Variants in SNTG2 observed in about 807,000 individuals in gnomAD.
SNTG2 encodes the protein gamma-2-syntrophin.
SNTG2 carries 74 observed loss-of-function variants against 70.9 expected under a neutral mutation model. The observed-to-expected ratio is 1.04, with a 90% CI of 0.86 to 1.27. The LOEUF is 1.27. SNTG2 is among the 50% of genes most tolerant of loss of function. SNTG2 has a pLI of 0.00. For missense variants in SNTG2, 717 were observed against 690.7 expected (o/e 1.04, Z -0.43); for synonymous variants, 278 against 273.8 (o/e 1.02, Z -0.15).
rs150383929 is a variant in SNTG2, at chr2:1,203,690, A to ATATATGTG, written c.592-5412_592-5411insATATGTGT. ...AAAAAAAAAATATATATATATATAT[A>ATATATGTG]TGTGTGTGTGTGTGTGTGTGTGTAT... On this transcript the variant is annotated intron_variant, in intron 8 of 16. Transcript: ENST00000308624. 6.7e-3 allele frequency among the ~76,000 whole-genome samples: 949 copies of ATATATGTG among 141,244 alleles called. 10 individuals carry two copies. The highest frequency in any genetic ancestry group is 0.024 in the African/African-American group (896 of 37,936). The allele number at this position is 141,244 out of a possible 152,430, so 92.7% of individuals were successfully genotyped here.
At chr2:1,170,014 C>G (rs1671019661) in intron 7 of SNTG2, among the ~76,000 whole-genome samples, 1 of 152,194 alleles carries the variant, frequency 6.6e-6, no homozygotes, top group Admixed American at 6.5e-5. Context: ...GGTAAAATTG[C>G]TGTGCCTGAG....
At chr2:1,337,033 A>G (rs1253962949) in intron 16 of SNTG2, among the ~76,000 whole-genome samples, 1 of 152,100 alleles carries the variant, frequency 6.6e-6, no homozygotes, top group Non-Finnish European at 1.5e-5. Flanking sequence ...TGAATCTATA[A>G]ATTGCTTTGG....
In SNTG2 at chr2:1,237,997, A is replaced by G; in HGVS notation, c.829A>G (p.Arg277Gly). The change falls in exon 10 of 17, where the codon AGG (arginine) becomes GGG (glycine). Residue 277 changes from arginine to glycine, a missense_variant. By Grantham distance (125) the Arg-to-Gly change is moderately radical (BLOSUM62 -2). Transcript: ENST00000308624. ...DWLRAVSANI[R>G]ELTLQNMKMA... ...GCTGCGGGCGGTCTCAGCCAACATC[A>G]GGGAGCTGACACTTCAGAACGTGAG... 3 of 1,610,382 alleles carry G rather than the reference A, an allele frequency of 1.9e-6. No individual in the cohort carries two copies. The highest frequency in any genetic ancestry group is 2.5e-6 in the Non-Finnish European group (3 of 1,178,698).
chr2:1,326,155 C>T (rs929946542), intron 16 of SNTG2, among the ~76,000 whole-genome samples: 2 of 152,090 alleles, frequency 1.3e-5, no homozygotes, highest in African/African-American at 4.8e-5. Context: ...TTTTTAAAGA[C>T]ATCTTATACA....
intron 4 of SNTG2, among the ~76,000 whole-genome samples, chr2:1,126,260 A>G (rs904763569): frequency 6.6e-6 from 1 of 152,130 alleles, no homozygotes; most frequent in Non-Finnish European, 1.5e-5. Context: ...GGCCTGGCTG[A>G]CTTCACTTAA....
At chr2:1,137,117 T>C (rs1217572328) in intron 4 of SNTG2, among the ~76,000 whole-genome samples, 6 of 152,236 alleles carry the variant, frequency 3.9e-5, no homozygotes, top group African/African-American at 1.4e-4. Context: ...GCTTTCCTTA[T>C]GAAGAGGCCA....
chr2:1,365,727 G>C (rs1175028646), intron 16 of SNTG2, among the ~76,000 whole-genome samples: 2 of 152,158 alleles, frequency 1.3e-5, no homozygotes, highest in East Asian at 3.9e-4. Context: ...GGTCCAGCTG[G>C]GTCCTGTACC....
At chr2:1,036,120 G>A (rs1279917611) in intron 1 of SNTG2, among the ~76,000 whole-genome samples, 1 of 152,014 alleles carries the variant, frequency 6.6e-6, no homozygotes, top group African/African-American at 2.4e-5. Flanking sequence ...TTAACTTACG[G>A]TTTATTAGCA....
Position 1,290,686 on chromosome 2 carries a change from T to C in SNTG2, c.1285-17808T>C, listed in dbSNP as rs572102046. Among the ~76,000 whole-genome samples, 5 of 152,220 alleles carry C rather than the reference T, an allele frequency of 3.3e-5. No individual in the cohort carries two copies. In the South Asian group the frequency reaches 6.2e-4, roughly 19 times the overall value. On this transcript the variant is annotated intron_variant, in intron 14 of 16. Coordinates refer to ENST00000308624, the MANE Select transcript of SNTG2 (RefSeq NM_018968.4). ...TCACAAGACAGCACTAGGAGGATGG[T>C]GCTAAATCATTAGAAACCACCCCCA... is the stretch of plus-strand genomic sequence containing the variant.
At chr2:1,116,542 CCTGGTGTGTGGGTGCT>C (rs1666983222) in intron 4 of SNTG2, among the ~76,000 whole-genome samples, 1 of 137,712 alleles carries the variant, frequency 7.3e-6, no homozygotes, top group Non-Finnish European at 1.6e-5. Flanking sequence ...GTATGAGTGC[CCTGGTGTGTGGGTGCT>C]CTGGTATGTG....
intron 16 of SNTG2, among the ~76,000 whole-genome samples, chr2:1,321,868 T>TCCCTCCTTCCTTGCTTC (rs1553279139): frequency 3.5e-4 from 52 of 146,966 alleles, no homozygotes; most frequent in African/African-American, 1.2e-3. Context: ...CCTTCTTTCT[T>TCCCTCCTTCCTTGCTTC]CCTCCCTCCT....
intron 1 of SNTG2, among the ~76,000 whole-genome samples, chr2:1,017,358 TAC>T (rs1341117889): frequency 6.6e-6 from 1 of 152,234 alleles, no homozygotes; most frequent in Non-Finnish European, 1.5e-5. Flanking sequence ...TAAAATTATA[TAC>T]ACACATGCAG....
At chr2:1,227,230 T>C (rs1439874114) in intron 9 of SNTG2, among the ~76,000 whole-genome samples, 2 of 152,280 alleles carry the variant, frequency 1.3e-5, no homozygotes, top group Admixed American at 1.3e-4. Flanking sequence ...CTTCCAGTGA[T>C]GATGAAATAG....
At position 1,273,997 on chromosome 2, in the gene SNTG2, A is replaced by C. The variant is rs535149289; in HGVS notation, c.1284+6426A>C. On this transcript the variant is annotated intron_variant, in intron 14 of 16. Coordinates refer to ENST00000308624, the MANE Select transcript of SNTG2 (RefSeq NM_018968.4). The stretch of plus-strand genomic sequence containing the variant: ...AGAAATTTGGGAAAAGGCTTGAATA[A>C]ACACTTCAAAAAAGATTTCTAGATG... Among the ~76,000 whole-genome samples the C allele has an allele frequency of 2.0e-5, 3 of 152,364 alleles. No individual in the cohort carries two copies. The South Asian group carries it at 6.2e-4, about 32-fold the overall frequency.
intron 16 of SNTG2, among the ~76,000 whole-genome samples, chr2:1,340,437 G>A (rs1573002974): frequency 1.3e-5 from 2 of 152,298 alleles, no homozygotes; most frequent in Admixed American, 1.3e-4. Context: ...TTTGCAAAGT[G>A]GGTCATTTTT....
chr2:1,045,031 T>G (rs915010048), intron 1 of SNTG2, among the ~76,000 whole-genome samples: 1 of 125,664 alleles, frequency 8.0e-6, no homozygotes, highest in Non-Finnish European at 1.8e-5. Context: ...TCTGGTCAGT[T>G]TTTTTTTTGT....
At position 1,025,527 on chromosome 2, in the gene SNTG2, G is replaced by A. The variant is rs190160352; in HGVS notation, c.73-57991G>A. On this transcript the variant is annotated intron_variant, in intron 1 of 16. Coordinates refer to ENST00000308624, the MANE Select transcript of SNTG2 (RefSeq NM_018968.4). ...TGCACTAGGCTAAAATCAAGGTATC[G>A]GCAGGACTGCGTTCTTTCTGGAAAT... is the stretch of plus-strand genomic sequence containing the variant. Among the ~76,000 whole-genome samples the A allele has an allele frequency of 4.0e-3, 613 of 152,258 alleles. 3 individuals carry two copies. Among genetic ancestry groups the A allele is most frequent in the African/African-American group, 0.013 (548 of 41,546 alleles).
At chr2:997,645 C>G (rs1003853151) in intron 1 of SNTG2, among the ~76,000 whole-genome samples, 1 of 152,170 alleles carries the variant, frequency 6.6e-6, no homozygotes, top group African/African-American at 2.4e-5. Context: ...CTCAGCAGTT[C>G]TTGCATTTCT....
At chr2:1,336,578 G>A (rs1659829215) in intron 16 of SNTG2, among the ~76,000 whole-genome samples, 1 of 152,054 alleles carries the variant, frequency 6.6e-6, no homozygotes, top group South Asian at 2.1e-4. Context: ...TATCCTAGTG[G>A]TTTTATAGTT....
Sources: allele counts gnomAD v4.1 joint callset (sites outside exome capture counted in the v4.1 genomes callset), GRCh38; gene constraint gnomAD v4.1.1; transcripts MANE v1.5; gene names NCBI Gene and HGNC (gene_info 2026-07-23, HGNC 2026-07-21).